The following MINK1 variants were observed in gnomAD, a reference collection of about 807,000 sequenced individuals.
MINK1 encodes the protein misshapen-like kinase 1.
Under a neutral mutation model 178.4 loss-of-function variants are expected in MINK1, and 46 were observed. The observed-to-expected ratio is 0.26, with a 90% confidence interval of 0.20 to 0.33. The LOEUF is 0.33. Ranked by LOEUF, MINK1 falls within the 10% of genes least tolerant of loss-of-function variation. The probability of loss-of-function intolerance (pLI) is 1.00; values close to 1 mark genes in which losing one functional copy is unlikely to be tolerated. For synonymous variants in MINK1, 797 were observed against 709.7 expected (o/e 1.12, Z -1.96); for missense variants, 1,366 against 1,814.9 (o/e 0.75, Z 4.49).
rs1236871766 is a variant in MINK1, at chr17:4,889,634, G to GCTCTCCCC, written c.1231-12_1231-5dup. On this transcript the variant is annotated splice_polypyrimidine_tract_variant and intron_variant, in intron 12 of 31. Coordinates refer to ENST00000355280, the MANE Select transcript of MINK1 (RefSeq NM_153827.5). ...CCGGTATGGTTCTTAAGACCACCTGGCTCTCCCCACAGCAACAGCGGCGGG... is the reference window on the plus strand; with the variant it reads ...CCGGTATGGTTCTTAAGACCACCTGGCTCTCCCCCTCTCCCCACAGCAACAGCGGCGGG... 1.3e-6 allele frequency: 2 copies of GCTCTCCCC among 1,569,974 alleles called. No individual in the cohort carries two copies. Among genetic ancestry groups the GCTCTCCCC allele is most frequent in the East Asian group, 4.7e-5 (2 of 42,388 alleles).
rs1567629939 is a variant in MINK1, at chr17:4,896,987, G to T, written c.3915+174G>T. ...GCCCTGCGCTCCCTTCAGATTCCGA[G>T]GACTTCCCAGCTGGCCCCCAGGGGG... is the stretch of plus-strand genomic sequence containing the variant. On this transcript the variant is annotated intron_variant, in intron 31 of 31. Transcript: ENST00000355280. The surrounding 1 kb of genome is among the most constrained non-coding windows in gnomAD (Gnocchi z 4.6). The T allele has an allele frequency of 1.9e-6, 2 of 1,038,356 alleles. No individual in the cohort carries two copies. The highest frequency in any genetic ancestry group is 2.8e-6 in the Non-Finnish European group (2 of 727,108). 64.3% of individuals were successfully genotyped at this position (1,038,356 alleles called of 1,614,324 possible).
intron 1 of MINK1, among the ~76,000 whole-genome samples, chr17:4,839,883 C>T (rs1909908086): frequency 6.6e-6 from 1 of 151,414 alleles, no homozygotes; most frequent in Non-Finnish European, 1.5e-5. Flanking sequence ...ACAGAGGACA[C>T]AGTGGTGATA....
At chr17:4,866,255 C>G (rs943160700) in intron 1 of MINK1, among the ~76,000 whole-genome samples, 1 of 152,026 alleles carries the variant, frequency 6.6e-6, no homozygotes, top group Non-Finnish European at 1.5e-5. Context: ...ATCACGAGGT[C>G]AGGAGATTAA....
chr17:4,846,393 C>T (rs1261926602), intron 1 of MINK1, among the ~76,000 whole-genome samples: 1 of 152,188 alleles, frequency 6.6e-6, no homozygotes, highest in Non-Finnish European at 1.5e-5. Flanking sequence ...GCCCTTCTCA[C>T]CACAATTCCT....
chr17:4,871,316 A>G (rs984888920), intron 1 of MINK1, among the ~76,000 whole-genome samples: 1 of 150,518 alleles, frequency 6.6e-6, no homozygotes, highest in African/African-American at 2.4e-5. Context: ...TCAGCCTCCC[A>G]TGTAGCTGGG....
In MINK1 at chr17:4,891,677, C is replaced by A; in HGVS notation, c.1962C>A (p.Pro654=). ...TSEGPGPSPN[P]PAWVRPDNEA... Reference sequence around the variant, plus strand: ...AAGGACCTGGCCCCAGCCCGAATCCCCCAGCCTGGGTCCGCCCAGATAACG... The same window carrying A: ...AAGGACCTGGCCCCAGCCCGAATCCACCAGCCTGGGTCCGCCCAGATAACG... Residue 654 remains proline (P), a synonymous_variant, in exon 16 of 32, where the codon CCC becomes CCA. Transcript: ENST00000355280. 6.2e-7 allele frequency: 1 copy of A among 1,602,250 alleles called. No homozygotes were observed. The highest frequency in any genetic ancestry group is 2.3e-5 in the East Asian group (1 of 44,416).
rs1372797703 is a variant in MINK1, at chr17:4,896,644, C to T, written c.3776-30C>T. ...GCCCCGAGGTGGCCCCGGGGTGCAGCCTGCTCAGCCCCTCACCTGTTCCCC... is the reference window on the plus strand; with the variant it reads ...GCCCCGAGGTGGCCCCGGGGTGCAGTCTGCTCAGCCCCTCACCTGTTCCCC... On this transcript the variant is annotated intron_variant, in intron 30 of 31. Coordinates refer to ENST00000355280, the MANE Select transcript of MINK1 (RefSeq NM_153827.5). The surrounding 1 kb of genome is among the most constrained non-coding windows in gnomAD (Gnocchi z 4.6). The T allele has an allele frequency of 1.9e-6, 3 of 1,607,528 alleles. No homozygotes were observed. Among genetic ancestry groups the T allele is most frequent in the Non-Finnish European group, 1.7e-6 (2 of 1,176,054 alleles).
chr17:4,869,597 A>G (rs1026978168), intron 1 of MINK1, among the ~76,000 whole-genome samples: 10 of 151,902 alleles, frequency 6.6e-5, no homozygotes, highest in African/African-American at 2.4e-4. Context: ...TTTTGGATAT[A>G]TACCCAGCAG....
chr17:4,892,539 C>T (rs1374508173), intron 18 of MINK1, 27 bp downstream of exon 18: 1 of 1,534,510 alleles, frequency 6.5e-7, no homozygotes, highest in South Asian at 1.2e-5. Flanking sequence ...CCAACTCACT[C>T]TCACCTCTCA....
At chr17:4,866,811 C>T (rs923114825) in intron 1 of MINK1, among the ~76,000 whole-genome samples, 1 of 151,576 alleles carries the variant, frequency 6.6e-6, no homozygotes, top group African/African-American at 2.4e-5. Context: ...CGGTGGCTCA[C>T]GCCTGGAATC....
intron 1 of MINK1, among the ~76,000 whole-genome samples, chr17:4,854,502 A>G (rs893570831): frequency 6.6e-6 from 1 of 152,130 alleles, no homozygotes; most frequent in African/African-American, 2.4e-5. Context: ...TGAGAATGGT[A>G]TGTGTATTCA....
At position 4,887,194 on chromosome 17, in the gene MINK1, T is replaced by G. The variant is rs1597539629; in HGVS notation, c.1019+15T>G. ...GGAGAGCCAAGGTAGGCCTGGCAGGTGGAGTGGGGGTTGGGGCGGTCATCG... is the reference window on the plus strand; with the variant it reads ...GGAGAGCCAAGGTAGGCCTGGCAGGGGGAGTGGGGGTTGGGGCGGTCATCG... On this transcript the variant is annotated intron_variant, in intron 11 of 31. Coordinates refer to ENST00000355280, the MANE Select transcript of MINK1 (RefSeq NM_153827.5). The surrounding 1 kb of genome is among the most constrained non-coding windows in gnomAD (Gnocchi z 7.6). 2 of 1,590,298 alleles carry G rather than the reference T, an allele frequency of 1.3e-6. No individual in the cohort carries two copies. The highest frequency in any genetic ancestry group is 1.4e-5 in the African/African-American group (1 of 73,502).
chr17:4,872,083 A>G (rs1915924319), intron 1 of MINK1, among the ~76,000 whole-genome samples: 1 of 152,164 alleles, frequency 6.6e-6, no homozygotes, highest in Non-Finnish European at 1.5e-5. Flanking sequence ...GTAATCCCGC[A>G]CTTTGGGAGG....
chr17:4,851,133 G>C, intron 1 of MINK1: 1 of 409,006 alleles, frequency 2.4e-6, no homozygotes, highest in Non-Finnish European at 5.1e-6. Flanking sequence ...AACGCCAACA[G>C]TTTTGGTAAA....
intron 1 of MINK1, among the ~76,000 whole-genome samples, chr17:4,852,236 A>G (rs1912117519): frequency 6.6e-6 from 1 of 152,026 alleles, no homozygotes; most frequent in South Asian, 2.1e-4. Context: ...GTTTTTCTAG[A>G]TAACTGCTGC....
chr17:4,876,503 G>A (rs909645025), intron 1 of MINK1, among the ~76,000 whole-genome samples: 1 of 152,134 alleles, frequency 6.6e-6, no homozygotes, highest in Admixed American at 6.5e-5. Context: ...TCTTCAACAC[G>A]CCCAAGTCGT....
Position 4,896,417 on chromosome 17 carries a change from C to T in MINK1, c.3616-12C>T, listed in dbSNP as rs1164045156. On this transcript the variant is annotated splice_polypyrimidine_tract_variant and intron_variant, in intron 29 of 31. Transcript: ENST00000355280. The surrounding 1 kb of genome is among the most constrained non-coding windows in gnomAD (Gnocchi z 4.6). ...CAGACACGGAGACTCTAGTCCCCCT[C>T]CTTCTCCCCAGATCCAGAGCCAGAT... 2 of 1,613,392 alleles carry T rather than the reference C, an allele frequency of 1.2e-6. No individual in the cohort carries two copies. Among genetic ancestry groups the T allele is most frequent in the Non-Finnish European group, 8.5e-7 (1 of 1,179,602 alleles).
Position 4,897,315 on chromosome 17 carries a change from A to G in MINK1, c.*28A>G, listed in dbSNP as rs1374223617. 1 of 1,603,280 alleles carries G rather than the reference A, an allele frequency of 6.2e-7. No individual in the cohort carries two copies. Among genetic ancestry groups the G allele is most frequent in the Admixed American group, 1.7e-5 (1 of 59,788 alleles). ...GGGCCCTGGGCTGGGGCTGTCCCAC[A>G]CTGGACCCAGCTCTCCCCCTGCAGC... On this transcript the variant is annotated 3_prime_UTR_variant, in exon 32 of 32. Coordinates refer to ENST00000355280, the MANE Select transcript of MINK1 (RefSeq NM_153827.5).
chr17:4,845,408 G>A (rs1567559123), intron 1 of MINK1, among the ~76,000 whole-genome samples: 1 of 152,062 alleles, frequency 6.6e-6, no homozygotes, highest in Admixed American at 6.6e-5. Flanking sequence ...CTCATCCTGG[G>A]GGTCTGATGG....
Sources: allele counts gnomAD v4.1 joint callset (sites outside exome capture counted in the v4.1 genomes callset), GRCh38; gene constraint gnomAD v4.1.1; non-coding constraint Gnocchi (gnomAD v3.1); transcripts MANE v1.5; gene names NCBI Gene and HGNC (gene_info 2026-07-23, HGNC 2026-07-21).